CRYL1: variants seen among roughly 807,000 people sequenced by gnomAD.
The protein encoded by CRYL1 is crystallin lambda 1, also known as lambda-crystallin homolog.
A neutral mutation model predicts 36.6 loss-of-function variants in CRYL1; 29 were observed. The ratio of observed to expected loss-of-function variants is 0.79; its 90% confidence interval spans 0.59 to 1.08. The LOEUF (loss-of-function observed/expected upper bound fraction) is 1.08, where lower values mean the gene tolerates loss of function less well. Among genes scored for constraint, CRYL1 ranks in the 50% least tolerant of loss-of-function variants. The probability of loss-of-function intolerance (pLI) is 0.00; values close to 1 mark genes in which losing one functional copy is unlikely to be tolerated. For missense variants in CRYL1, 411 were observed against 407.9 expected (o/e 1.01, Z -0.06); for synonymous variants, 152 against 151.5 (o/e 1.00, Z -0.02).
chr13:20,459,007 G>A (rs540054928), intron 3 of CRYL1, among the ~76,000 whole-genome samples: 4 of 152,224 alleles, frequency 2.6e-5, no homozygotes, highest in South Asian at 2.1e-4. Context: ...AGGCCGAGGC[G>A]GGCGGATCAC....
chr13:20,472,036 C>A (rs1237704510), intron 3 of CRYL1, among the ~76,000 whole-genome samples: 2 of 151,936 alleles, frequency 1.3e-5, no homozygotes, highest in African/African-American at 2.4e-5. Flanking sequence ...AATTTTTGTA[C>A]TTTTAGTAGA....
chr13:20,473,505 C>T (rs1196238519), intron 3 of CRYL1, among the ~76,000 whole-genome samples: 1 of 152,238 alleles, frequency 6.6e-6, no homozygotes, highest in East Asian at 1.9e-4. Flanking sequence ...GTGATCTCAG[C>T]GGACCTGGCC....
rs183080701 is a variant in CRYL1, at chr13:20,518,594, T to C, written c.42-6044A>G. 1.0e-3 allele frequency among the ~76,000 whole-genome samples: 152 copies of C among 152,250 alleles called. No homozygotes were observed. The Middle Eastern group carries it at 0.017, about 17-fold the overall frequency. On this transcript the variant is annotated intron_variant, in intron 1 of 7. Coordinates refer to ENST00000298248, the MANE Select transcript of CRYL1 (RefSeq NM_015974.3). ...TTTACTGAGTGAGATAGTTGGCTAA[T>C]AGAAGGTTTTAGACAAAAGATATCA...
At chr13:20,410,153 A>G (rs1481483678) in intron 6 of CRYL1, among the ~76,000 whole-genome samples, 1 of 150,484 alleles carries the variant, frequency 6.6e-6, no homozygotes, top group Non-Finnish European at 1.5e-5. Flanking sequence ...ACAATGATAG[A>G]CTGGATTAAG....
chr13:20,462,451 T>A (rs1472105026), intron 3 of CRYL1, among the ~76,000 whole-genome samples: 1 of 149,416 alleles, frequency 6.7e-6, no homozygotes, highest in Non-Finnish European at 1.5e-5. Flanking sequence ...GAACGGTATT[T>A]TAATTGACTT....
At position 20,404,636 on chromosome 13, in the gene CRYL1, T is replaced by C; in HGVS notation, c.845A>G (p.Gln282Arg). Reference sequence around the variant, plus strand: ...GTGAGTTGCAGAGAAGTTACATACCTGGTTAACCTTCTCAGCAGTGGCCCT... The same window carrying C: ...GTGAGTTGCAGAGAAGTTACATACCCGGTTAACCTTCTCAGCAGTGGCCCT... ...FSRATAEKVN[Q>R]DMCMKVPDDP... The change falls in exon 7 of 8, where the codon CAG (glutamine) becomes CGG (arginine). Residue 282 changes from glutamine (Q) to arginine (R), a missense_variant and splice_region_variant. Transcript: ENST00000298248. 1 of 1,601,774 alleles carries C rather than the reference T, an allele frequency of 6.2e-7. No individual in the cohort carries two copies. Among genetic ancestry groups the C allele is most frequent in the South Asian group, 1.1e-5 (1 of 90,768 alleles).
chr13:20,490,518 T>G (rs2137474341), intron 2 of CRYL1, among the ~76,000 whole-genome samples: 1 of 152,314 alleles, frequency 6.6e-6, no homozygotes, highest in Non-Finnish European at 1.5e-5. Flanking sequence ...ATGCTGGAGA[T>G]GAATGATGGC....
At chr13:20,409,514 A>C (rs569868769) in intron 6 of CRYL1, among the ~76,000 whole-genome samples, 155 of 150,638 alleles carry the variant, frequency 1.0e-3, no homozygotes, top group African/African-American at 3.6e-3. Flanking sequence ...ATGGCAACAA[A>C]AGCCAAAATT....
At chr13:20,517,746 C>T (rs1465833185) in intron 1 of CRYL1, among the ~76,000 whole-genome samples, 1 of 151,922 alleles carries the variant, frequency 6.6e-6, no homozygotes. Context: ...ACCAACCTGG[C>T]TAACATGGTG....
intron 3 of CRYL1, among the ~76,000 whole-genome samples, chr13:20,454,754 G>A (rs1295196837): frequency 6.6e-6 from 1 of 152,084 alleles, no homozygotes; most frequent in African/African-American, 2.4e-5. Flanking sequence ...CAGCAATCTA[G>A]GAATAGATGG....
At chr13:20,445,191 C>T (rs1162105426) in intron 3 of CRYL1, among the ~76,000 whole-genome samples, 1 of 152,044 alleles carries the variant, frequency 6.6e-6, no homozygotes, top group African/African-American at 2.4e-5. Flanking sequence ...TTCCAAGATC[C>T]AGGTAGTGGG....
At chr13:20,457,012 C>A (rs947218777) in intron 3 of CRYL1, among the ~76,000 whole-genome samples, 2 of 152,156 alleles carry the variant, frequency 1.3e-5, no homozygotes, top group Non-Finnish European at 2.9e-5. Context: ...AGACTGCCAG[C>A]AGGATATGAG....
chr13:20,463,997 G>T (rs2137435682), intron 3 of CRYL1, among the ~76,000 whole-genome samples: 1 of 152,108 alleles, frequency 6.6e-6, no homozygotes, highest in East Asian at 1.9e-4. Context: ...GTCAAATGGG[G>T]GCTGTGTCAA....
intron 3 of CRYL1, among the ~76,000 whole-genome samples, chr13:20,468,619 G>A (rs1316830290): frequency 6.6e-6 from 1 of 152,024 alleles, no homozygotes; most frequent in Non-Finnish European, 1.5e-5. Context: ...TTGTTTGTTT[G>A]TTTTGAGGTG....
chr13:20,443,834 AAAG>A (rs1213879819), intron 3 of CRYL1, among the ~76,000 whole-genome samples: 1 of 152,256 alleles, frequency 6.6e-6, no homozygotes, highest in East Asian at 1.9e-4. Context: ...CTTTACATGC[AAAG>A]AAGATCTATT....
chr13:20,434,861 C>A (rs2032173059), intron 4 of CRYL1, among the ~76,000 whole-genome samples: 1 of 151,618 alleles, frequency 6.6e-6, no homozygotes. Flanking sequence ...TCTCTTTACT[C>A]TTCTCTCAAA....
chr13:20,475,550 G>A (rs1460270303), intron 3 of CRYL1, among the ~76,000 whole-genome samples: 1 of 152,160 alleles, frequency 6.6e-6, no homozygotes, highest in African/African-American at 2.4e-5. Context: ...ACTTTACGGG[G>A]GTGTCGTGAG....
intron 3 of CRYL1, among the ~76,000 whole-genome samples, chr13:20,461,771 A>C (rs1336801692): frequency 6.6e-6 from 1 of 151,576 alleles, no homozygotes; most frequent in Non-Finnish European, 1.5e-5. Flanking sequence ...AGAAAGAAAC[A>C]CTCTTGAGAC....
chr13:20,503,727 G>A (rs2033744298), intron 2 of CRYL1, among the ~76,000 whole-genome samples: 1 of 152,220 alleles, frequency 6.6e-6, no homozygotes. Context: ...CCAACAGTAT[G>A]TGGGAAAACT....
Sources: gnomAD v4.1 joint callset for allele counts (sites outside exome capture counted in the v4.1 genomes callset) on GRCh38, gnomAD v4.1.1 for gene constraint, MANE v1.5 for transcripts, NCBI Gene and HGNC (gene_info 2026-07-23, HGNC 2026-07-21) for gene names.